LHFPL6: variants seen among roughly 807,000 people sequenced by gnomAD.
LHFPL6 encodes the protein LHFPL tetraspan subfamily member 6 protein.
A neutral mutation model predicts 20.6 loss-of-function variants in LHFPL6; 9 were observed. That is an observed-to-expected ratio of 0.44 (90% CI 0.26 to 0.76). The LOEUF (loss-of-function observed/expected upper bound fraction) is 0.76, where lower values mean the gene tolerates loss of function less well. Ranked by LOEUF, LHFPL6 falls within the 30% of genes least tolerant of loss-of-function variation. The pLI, the probability that LHFPL6 is intolerant of heterozygous loss-of-function variation, is 0.20. For missense variants in LHFPL6, 218 were observed against 253.5 expected (o/e 0.86, Z 0.95); for synonymous variants, 105 against 98.7 (o/e 1.06, Z -0.38).
At chr13:39,420,663 T>C (rs191144552) in intron 2 of LHFPL6, among the ~76,000 whole-genome samples, 26 of 152,332 alleles carry the variant, frequency 1.7e-4, no homozygotes, top group Admixed American at 1.1e-3. Context: ...TTAGAAAACT[T>C]TCAAGAGGCT....
intron 2 of LHFPL6, among the ~76,000 whole-genome samples, chr13:39,434,518 A>G (rs941547852): frequency 6.6e-6 from 1 of 152,164 alleles, no homozygotes; most frequent in African/African-American, 2.4e-5. Context: ...AAATATGTCA[A>G]TCATTTTGGT....
chr13:39,574,906 T>C (rs146881436), intron 2 of LHFPL6, among the ~76,000 whole-genome samples: 1,551 of 152,184 alleles, frequency 0.01, 53 homozygotes, highest in East Asian at 0.081. Context: ...ACCCTGTCTC[T>C]ACTAAAAATC....
At chr13:39,532,771 A>T (rs2138496332) in intron 2 of LHFPL6, among the ~76,000 whole-genome samples, 1 of 152,350 alleles carries the variant, frequency 6.6e-6, no homozygotes, top group East Asian at 1.9e-4. Context: ...TCCACAAAAC[A>T]TTACTAAGTG....
chr13:39,602,514 G>T (rs1025037891), intron 1 of LHFPL6, among the ~76,000 whole-genome samples: 1 of 152,186 alleles, frequency 6.6e-6, no homozygotes, highest in Non-Finnish European at 1.5e-5. Flanking sequence ...GTGGCCTGCG[G>T]GCAGGGGGCC....
intron 2 of LHFPL6, among the ~76,000 whole-genome samples, chr13:39,509,405 G>A (rs1869606685): frequency 1.3e-5 from 2 of 151,800 alleles, no homozygotes; most frequent in African/African-American, 4.8e-5. Context: ...TCTTCTAGAA[G>A]TTTTATAGTT....
chr13:39,477,944 A>G (rs1405585418), intron 2 of LHFPL6, among the ~76,000 whole-genome samples: 3 of 152,224 alleles, frequency 2.0e-5, no homozygotes, highest in Non-Finnish European at 4.4e-5. Context: ...AACTTATCCA[A>G]AAAGAATGTG....
chr13:39,530,452 G>A (rs1029609326), intron 2 of LHFPL6, among the ~76,000 whole-genome samples: 3 of 151,938 alleles, frequency 2.0e-5, no homozygotes, highest in African/African-American at 7.3e-5. Flanking sequence ...ATTCCACTGG[G>A]TATGAGGAGA....
intron 2 of LHFPL6, among the ~76,000 whole-genome samples, chr13:39,387,530 A>C (rs1030893493): frequency 5.9e-5 from 8 of 135,882 alleles, no homozygotes; most frequent in Non-Finnish European, 1.1e-4. Context: ...TGGGTGACAG[A>C]GTGAGAGACT....
intron 2 of LHFPL6, among the ~76,000 whole-genome samples, chr13:39,485,817 C>T (rs527702540): frequency 2.6e-5 from 4 of 152,192 alleles, no homozygotes; most frequent in African/African-American, 9.6e-5. Flanking sequence ...TATACTTGTA[C>T]CAACGATTTT....
In LHFPL6 at chr13:39,343,948, G is replaced by C. The variant is rs755717088; in HGVS notation, c.591C>G (p.His197Gln). The part of the protein sequence containing the change: ...LACFSGKKQK[H>Q]YPY The stretch of plus-strand genomic sequence containing the variant: ...TGGTAGCTCCATCTCAGTATGGGTA[G>C]TGCTTCTGTTTCTTGCCCGAAAAGC... The change falls in exon 4 of 4, where the codon CAC (histidine) becomes CAG (glutamine). Residue 197 changes from histidine (H) to glutamine (Q), a missense_variant. Transcript: ENST00000379589. 2 of 1,613,632 alleles carry C rather than the reference G, an allele frequency of 1.2e-6. No individual in the cohort carries two copies. The highest frequency in any genetic ancestry group is 1.1e-5 in the South Asian group (1 of 91,036).
intron 2 of LHFPL6, among the ~76,000 whole-genome samples, chr13:39,404,277 C>G (rs966181048): frequency 3.9e-5 from 6 of 152,162 alleles, no homozygotes; most frequent in Non-Finnish European, 8.8e-5. Context: ...CATGACCAAA[C>G]TAGTTTAGTC....
intron 2 of LHFPL6, among the ~76,000 whole-genome samples, chr13:39,484,840 G>A (rs956033623): frequency 6.6e-6 from 1 of 152,216 alleles, no homozygotes; most frequent in East Asian, 1.9e-4. Flanking sequence ...GAACCTGTGT[G>A]TGGCAGATGA....
At chr13:39,564,283 T>A (rs1871643297) in intron 2 of LHFPL6, among the ~76,000 whole-genome samples, 1 of 152,188 alleles carries the variant, frequency 6.6e-6, no homozygotes, top group Non-Finnish European at 1.5e-5. Context: ...TAAAAAATGG[T>A]AAAATCTATT....
intron 2 of LHFPL6, among the ~76,000 whole-genome samples, chr13:39,522,403 G>C (rs1005083877): frequency 6.6e-6 from 1 of 151,544 alleles, no homozygotes; most frequent in Non-Finnish European, 1.5e-5. Context: ...ACTGTTGTTA[G>C]CATGGCCAAG....
chr13:39,359,326 C>T (rs1038979813), intron 3 of LHFPL6, among the ~76,000 whole-genome samples: 33 of 152,160 alleles, frequency 2.2e-4, no homozygotes, highest in African/African-American at 7.0e-4. Context: ...AATCTCACTG[C>T]TAGGTATATG....
At chr13:39,595,166 CAT>C (rs1216474951) in intron 2 of LHFPL6, among the ~76,000 whole-genome samples, 4 of 152,160 alleles carry the variant, frequency 2.6e-5, no homozygotes, top group South Asian at 2.1e-4. Context: ...TAGATACAAA[CAT>C]ATAAAATTTT....
chr13:39,485,647 C>A (rs1308947164), intron 2 of LHFPL6, among the ~76,000 whole-genome samples: 1 of 152,070 alleles, frequency 6.6e-6, no homozygotes, highest in Non-Finnish European at 1.5e-5. Flanking sequence ...TATGAATAAT[C>A]AAGAGCTAGC....
chr13:39,572,886 T>G (rs1011054210), intron 2 of LHFPL6, among the ~76,000 whole-genome samples: 140 of 152,314 alleles, frequency 9.2e-4, no homozygotes, highest in African/African-American at 3.3e-3. Flanking sequence ...GCCAGTCACA[T>G]GGTCTTTGGG....
chr13:39,515,107 C>T (rs1032217574), intron 2 of LHFPL6, among the ~76,000 whole-genome samples: 3 of 152,196 alleles, frequency 2.0e-5, no homozygotes, highest in African/African-American at 7.2e-5. Context: ...AGTGGCTGTA[C>T]CTCTAACAGC....
Sources: gnomAD v4.1 joint callset for allele counts (sites outside exome capture counted in the v4.1 genomes callset) on GRCh38, gnomAD v4.1.1 for gene constraint, MANE v1.5 for transcripts, NCBI Gene and HGNC (gene_info 2026-07-23, HGNC 2026-07-21) for gene names.